The following SLC10A1 variants were observed in gnomAD, a reference collection of about 807,000 sequenced individuals.
SLC10A1 encodes hepatic sodium/bile acid cotransporter.
In SLC10A1, 36 loss-of-function variants were observed where a neutral mutation model predicts 20.5. The ratio of observed to expected loss-of-function variants is 1.75; its 90% CI spans 1.34 to 2.32. SLC10A1 has a LOEUF of 2.32. SLC10A1 is among the 30% of genes most tolerant of loss of function. SLC10A1 has a pLI of 0.00. For synonymous variants in SLC10A1, 188 were observed against 163.6 expected (o/e 1.15, Z -1.14); for missense variants, 545 against 439.1 (o/e 1.24, Z -2.16).
In SLC10A1 at chr14:69,775,463, G is replaced by A. The variant is rs533714427; in HGVS notation, c.*819C>T. ...TTATTAGAGACAATTTGAAATTTGT[G>A]AATTCTAGGTATTTGAACATTTTTC... On this transcript the variant is annotated 3_prime_UTR_variant, in exon 5 of 5. Transcript: ENST00000216540. 1 of 152,286 alleles carries A rather than the reference G, an allele frequency of 6.6e-6. No individual in the cohort carries two copies. The highest frequency in any genetic ancestry group is 1.9e-4 in the East Asian group (1 of 5,190). The allele number at this position is 152,286 out of a possible 1,614,324, so 9.4% of individuals were successfully genotyped here.
chr14:69,779,206 G>C lies in SLC10A1; in HGVS notation c.722C>G (p.Ser241Cys), dbSNP rs150579813. Reference protein sequence around the residue: ...FIGFLLGYVLSALFCLNGRCR... With the variant: ...FIGFLLGYVLCALFCLNGRCR... The stretch of plus-strand genomic sequence containing the variant: ...CCGTCCATTGAGGCAGAAGAGAGCA[G>C]AGAGAACATAACCCAGCAGAAAGCC... Residue 241 changes from serine to cysteine, a missense_variant, in exon 3 of 5, where the codon TCT (serine) becomes TGT (cysteine). Transcript: ENST00000216540. 1 of 1,611,898 alleles carries C rather than the reference G, an allele frequency of 6.2e-7. No individual in the cohort carries two copies. The highest frequency in any genetic ancestry group is 1.3e-5 in the African/African-American group (1 of 74,850).
chr14:69,778,619 A>G, intron 3 of SLC10A1, 90 bp from the exon 4 acceptor site: 1 of 1,144,862 alleles, frequency 8.7e-7, no homozygotes, highest in Admixed American at 2.6e-5. Context: ...GTTTCGCAGC[A>G]GATGGAATCT....
At chr14:69,776,467 A>G in intron 4 of SLC10A1, 79 bp from the exon 5 acceptor site, 1 of 1,124,936 alleles carries the variant, frequency 8.9e-7, no homozygotes, top group Non-Finnish European at 1.3e-6. Context: ...TCTGGAAAGT[A>G]CAAAAATACC....
chr14:69,780,859 A>G (rs1883575319), intron 2 of SLC10A1, among the ~76,000 whole-genome samples: 1 of 152,204 alleles, frequency 6.6e-6, no homozygotes, highest in African/African-American at 2.4e-5. Context: ...CCTTTACCCA[A>G]CAGTCAAATA....
At chr14:69,778,208 G>A (rs554637485) in intron 4 of SLC10A1, 125 bp downstream of exon 4, 1 of 720,178 alleles carries the variant, frequency 1.4e-6, no homozygotes, top group East Asian at 2.7e-5. Flanking sequence ...GGGGCTACCT[G>A]GTTCTTAGTG....
intron 4 of SLC10A1, among the ~76,000 whole-genome samples, chr14:69,776,858 A>G (rs1425629620): frequency 2.6e-5 from 4 of 152,180 alleles, no homozygotes; most frequent in Non-Finnish European, 5.9e-5. Flanking sequence ...GCACCTTTCT[A>G]TACAGATGGG....
At chr14:69,780,137 G>C (rs969056217) in intron 2 of SLC10A1, among the ~76,000 whole-genome samples, 4 of 152,184 alleles carry the variant, frequency 2.6e-5, no homozygotes, top group Non-Finnish European at 5.9e-5. Context: ...TATGAAGGAA[G>C]TTCCCAAAAG....
At chr14:69,777,947 G>A (rs1883488065) in intron 4 of SLC10A1, among the ~76,000 whole-genome samples, 1 of 151,872 alleles carries the variant, frequency 6.6e-6, no homozygotes, top group Non-Finnish European at 1.5e-5. Flanking sequence ...TCCAGGAAAT[G>A]AGAACCTAGT....
rs1356175110 is a variant in SLC10A1, at chr14:69,779,323, A to T, written c.605T>A (p.Val202Asp). ...CACATTGATGGCAGAGAGAACTGTG[A>T]CGGCCACACTGCACAAGAGAATGAT... ...MIIILLCSVA[V>D]TVLSAINVGK... Residue 202 changes from valine (V) to aspartate (D), a missense_variant, in exon 3 of 5, where the codon GTC becomes GAC. Val to Asp is a radical substitution (Grantham distance 152). Coordinates refer to ENST00000216540, the MANE Select transcript of SLC10A1 (RefSeq NM_003049.4). 1 of 1,613,894 alleles carries T rather than the reference A, an allele frequency of 6.2e-7. No homozygotes were observed. Among genetic ancestry groups the T allele is most frequent in the Non-Finnish European group, 8.5e-7 (1 of 1,179,974 alleles).
chr14:69,795,644 C>T (rs1464567687), intron 1 of SLC10A1, among the ~76,000 whole-genome samples: 1 of 152,064 alleles, frequency 6.6e-6, no homozygotes, highest in Non-Finnish European at 1.5e-5. Context: ...AACTCCTGGT[C>T]TCAAGTGATC....
Position 69,786,221 on chromosome 14 carries a change from C to A in SLC10A1, c.443G>T (p.Gly148Val). 1 of 1,614,006 alleles carries A rather than the reference C, an allele frequency of 6.2e-7. No homozygotes were observed. The highest frequency in any genetic ancestry group is 8.5e-7 in the Non-Finnish European group (1 of 1,179,984). The part of the protein sequence containing the change: ...LYIYSRGIYD[G>V]DLKDKVPYKG... Reference sequence around the variant, plus strand: ...ATAGGGCACCTTGTCCTTCAGGTCCCCATCATAGATCCCCCTGGAGTAGAT... The same window carrying A: ...ATAGGGCACCTTGTCCTTCAGGTCCACATCATAGATCCCCCTGGAGTAGAT... The change falls in exon 2 of 5, where the codon GGG becomes GTG. Residue 148 changes from glycine (G) to valine (V), a missense_variant. Gly to Val is a moderately radical substitution (Grantham distance 109, BLOSUM62 -3). Transcript: ENST00000216540.
intron 1 of SLC10A1, among the ~76,000 whole-genome samples, chr14:69,791,645 A>G (rs977608554): frequency 2.0e-5 from 3 of 152,222 alleles, no homozygotes; most frequent in African/African-American, 4.8e-5. Flanking sequence ...TTCAGATAAC[A>G]AAACTTATAA....
chr14:69,783,333 G>A (rs1267727926), intron 2 of SLC10A1, among the ~76,000 whole-genome samples: 1 of 152,198 alleles, frequency 6.6e-6, no homozygotes, highest in Non-Finnish European at 1.5e-5. Flanking sequence ...ATGAACAGAT[G>A]TTCTTAATGC....
At chr14:69,785,107 T>C (rs1883682123) in intron 2 of SLC10A1, among the ~76,000 whole-genome samples, 1 of 152,020 alleles carries the variant, frequency 6.6e-6, no homozygotes, top group Non-Finnish European at 1.5e-5. Context: ...GGTCAAGTCC[T>C]TCCTGAGGAC....
At chr14:69,780,122 T>C (rs1883555644) in intron 2 of SLC10A1, among the ~76,000 whole-genome samples, 1 of 152,164 alleles carries the variant, frequency 6.6e-6, no homozygotes, top group African/African-American at 2.4e-5. Flanking sequence ...GACCTGCAAA[T>C]TGAATATGAA....
In SLC10A1 at chr14:69,778,413, A is replaced by T; in HGVS notation, c.863T>A (p.Leu288His). The change falls in exon 4 of 5, where the codon CTC becomes CAC. Residue 288 changes from leucine (L) to histidine (H), a missense_variant. By Grantham distance (99) the Leu-to-His change is moderately conservative (BLOSUM62 -3). Coordinates refer to ENST00000216540, the MANE Select transcript of SLC10A1 (RefSeq NM_003049.4). ...TTCTCCAAGCTGGAAAATCATGTAGAGGAGGGGAAAGAAGAAAAGTGGTCC... is the reference window on the plus strand; with the variant it reads ...TTCTCCAAGCTGGAAAATCATGTAGTGGAGGGGAAAGAAGAAAAGTGGTCC... ...VIGPLFFFPL[L>H]YMIFQLGEGL... 6.2e-7 allele frequency: 1 copy of T among 1,614,068 alleles called. No homozygotes were observed.
chr14:69,787,416 A>C (rs916592731), intron 1 of SLC10A1, among the ~76,000 whole-genome samples: 1 of 152,220 alleles, frequency 6.6e-6, no homozygotes, highest in African/African-American at 2.4e-5. Flanking sequence ...TCCAGTGGGA[A>C]GATGGTTGGG....
At chr14:69,792,013 A>G (rs1350478074) in intron 1 of SLC10A1, among the ~76,000 whole-genome samples, 2 of 150,032 alleles carry the variant, frequency 1.3e-5, no homozygotes, top group African/African-American at 4.9e-5. Context: ...GTGCAGTGGC[A>G]TGATTTTGGC....
chr14:69,780,089 G>A lies in SLC10A1; in HGVS notation c.568-729C>T, dbSNP rs144345294. 2.7e-4 allele frequency among the ~76,000 whole-genome samples: 41 copies of A among 152,278 alleles called. 1 individual carries two copies. Among genetic ancestry groups the A allele is most frequent in the Admixed American group, 1.4e-3 (22 of 15,296 alleles). The stretch of plus-strand genomic sequence containing the variant: ...ACCCAAAATGATGTCTAATAATAAG[G>A]GGACAAACCTACTTTCTTGAGTGAC... On this transcript the variant is annotated intron_variant, in intron 2 of 4. Coordinates refer to ENST00000216540, the MANE Select transcript of SLC10A1 (RefSeq NM_003049.4).
Sources: gnomAD v4.1 joint callset for allele counts (sites outside exome capture counted in the v4.1 genomes callset) on GRCh38, gnomAD v4.1.1 for gene constraint, MANE v1.5 for transcripts, NCBI Gene and HGNC (gene_info 2026-07-23, HGNC 2026-07-21) for gene names.